Variants in ZNF483 observed in about 807,000 individuals in gnomAD.
ZNF483 encodes zinc finger protein 483.
A neutral mutation model predicts 28.6 loss-of-function variants in ZNF483; 9 were observed. The ratio of observed to expected loss-of-function variants is 0.32; its 90% confidence interval spans 0.19 to 0.55. ZNF483 has a LOEUF of 0.55. ZNF483 is among the 20% of genes least tolerant of loss of function. The probability of loss-of-function intolerance (pLI) is 0.93; values close to 1 mark genes in which losing one functional copy is unlikely to be tolerated. For missense variants in ZNF483, 675 were observed against 871.7 expected, an observed-to-expected ratio of 0.77 and a Z score of 2.84; for synonymous variants, 322 against 306.2, an observed-to-expected ratio of 1.05 and a Z score of -0.54.
At chr9:111,530,542 G>A (rs1198178805) in intron 2 of ZNF483, among the ~76,000 whole-genome samples, 1 of 151,508 alleles carries the variant, frequency 6.6e-6, no homozygotes, top group African/African-American at 2.4e-5. Context: ...CTTGGACTGA[G>A]GCCTTAACCT....
chr9:111,564,813 T>C (rs1470989816), intron 5 of ZNF483, among the ~76,000 whole-genome samples: 2 of 151,898 alleles, frequency 1.3e-5, no homozygotes, highest in East Asian at 3.9e-4. Flanking sequence ...TATTTGGAGA[T>C]AGGGCTTTTT....
chr9:111,530,498 G>A (rs866615511), intron 2 of ZNF483, among the ~76,000 whole-genome samples: 6 of 151,816 alleles, frequency 4.0e-5, no homozygotes, highest in African/African-American at 1.2e-4. Context: ...CTGGAGGGTC[G>A]GACATGAGAC....
At chr9:111,559,331 G>C (rs540278693), downstream of ZNF483, among the ~76,000 whole-genome samples, 1 of 152,142 alleles carries the variant, frequency 6.6e-6, no homozygotes, top group South Asian at 2.1e-4. Context: ...ATACTGTGTG[G>C]ACTTTGACTC....
chr9:111,527,028 C>T (rs930829296), intron 1 of ZNF483, among the ~76,000 whole-genome samples: 2 of 151,736 alleles, frequency 1.3e-5, no homozygotes, highest in African/African-American at 2.4e-5. Flanking sequence ...TGAACCCAGC[C>T]GGGGCAGAGG....
exon 6 of ZNF483, chr9:111,576,465 A>G: frequency 6.2e-7 from 1 of 1,612,798 alleles, no homozygotes; most frequent in Non-Finnish European, 8.5e-7. Context: ...TGACCAGAGG[A>G]TGGGGCCACT....
chr9:111,533,906 G>C (rs202033857), intron 4 of ZNF483, 41 bp downstream of exon 4: 8 of 1,574,102 alleles, frequency 5.1e-6, no homozygotes, highest in Non-Finnish European at 6.8e-6. Flanking sequence ...TTTAACCTTG[G>C]GTCTCTTTTT....
chr9:111,564,298 A>T (rs2132320857), intron 5 of ZNF483: 1 of 620,278 alleles, frequency 1.6e-6, no homozygotes, highest in South Asian at 4.9e-5. Flanking sequence ...TATTATTATT[A>T]TTATTATTAT....
intron 5 of ZNF483, among the ~76,000 whole-genome samples, chr9:111,572,779 A>AAT: frequency 6.7e-6 from 1 of 150,134 alleles, no homozygotes; most frequent in Non-Finnish European, 1.5e-5. Flanking sequence ...AAAAAAAAAA[A>AAT]ATTAAAAAAT....
chr9:111,573,277 T>C (rs1055362402), intron 5 of ZNF483, among the ~76,000 whole-genome samples: 1 of 151,316 alleles, frequency 6.6e-6, no homozygotes, highest in Non-Finnish European at 1.5e-5. Flanking sequence ...TAGAAAATTA[T>C]AGGGGGAAAA....
At chr9:111,533,922 C>A in intron 4 of ZNF483, 57 bp downstream of exon 4, 1 of 1,567,028 alleles carries the variant, frequency 6.4e-7, no homozygotes, top group Non-Finnish European at 8.6e-7. Flanking sequence ...TTTTTGTTCC[C>A]TTTTATTGAA....
chr9:111,559,254 G>A (rs576556691), downstream of ZNF483, among the ~76,000 whole-genome samples: 23 of 152,054 alleles, frequency 1.5e-4, no homozygotes, highest in South Asian at 4.2e-3. Flanking sequence ...ACCCCTTCAC[G>A]TGCACACCTT....
At chr9:111,540,148 ATTTT>A (rs1564596277) in intron 5 of ZNF483, among the ~76,000 whole-genome samples, 1 of 152,188 alleles carries the variant, frequency 6.6e-6, no homozygotes, top group East Asian at 1.9e-4. Context: ...ATTTTAAAAA[ATTTT>A]TTAAAAAGAA....
At chr9:111,566,530 T>C (rs143685005) in intron 5 of ZNF483, among the ~76,000 whole-genome samples, 2 of 152,328 alleles carry the variant, frequency 1.3e-5, no homozygotes, top group Non-Finnish European at 2.9e-5. Context: ...ACTAAAATAA[T>C]GCAACTTGAT....
intron 5 of ZNF483, chr9:111,539,432 ACT>A (rs769174100): frequency 5.9e-5 from 27 of 455,674 alleles, no homozygotes; most frequent in Non-Finnish European, 9.7e-5. Flanking sequence ...TGCTTTTATG[ACT>A]CTGTTTTTTA....
At chr9:111,562,767 G>A (rs981174415) in intron 5 of ZNF483, 2 of 219,750 alleles carry the variant, frequency 9.1e-6, no homozygotes, top group East Asian at 1.2e-4. Flanking sequence ...GGCTTCCACA[G>A]GCCCCAGCGT....
At chr9:111,571,326 C>T (rs1295611565) in intron 5 of ZNF483, among the ~76,000 whole-genome samples, 4 of 149,542 alleles carry the variant, frequency 2.7e-5, no homozygotes, top group East Asian at 2.1e-4. Flanking sequence ...GCAGGAGAAT[C>T]GCTTGAAGTC....
chr9:111,534,395 T>C, intron 5 of ZNF483, 42 bp downstream of exon 5: 1 of 1,528,386 alleles, frequency 6.5e-7, no homozygotes, highest in Non-Finnish European at 9.1e-7. Context: ...AAGCAGTTGT[T>C]TAGCAAGTCT....
Position 111,553,539 on chromosome 9 carries a change from G to A in ZNF483, c.*10369G>A, listed in dbSNP as rs1828033923. The stretch of plus-strand genomic sequence containing the variant: ...GTAAACACATTGTGATTTTACATCC[G>A]TGCATAGAAAAAAAAATCATCTGAA... On this transcript the variant is annotated 3_prime_UTR_variant, in exon 6 of 6. Coordinates refer to ENST00000309235, the MANE Select transcript of ZNF483 (RefSeq NM_133464.5). Among the ~76,000 whole-genome samples, 1 of 151,844 alleles carries A rather than the reference G, an allele frequency of 6.6e-6. No individual in the cohort carries two copies. Among genetic ancestry groups the A allele is most frequent in the African/African-American group, 2.4e-5 (1 of 41,334 alleles).
Position 111,543,048 on chromosome 9 carries a change from A to G in ZNF483, c.2113A>G (p.Ile705Val), listed in dbSNP as rs368753285. ...TGGTGCAACCTTTAGTCGAAGCTCA[A>G]TCCTTGTAGAACACCTAAAAATTCA... is the stretch of plus-strand genomic sequence containing the variant. ...YCGATFSRSS[I>V]LVEHLKIHTG... The change falls in exon 6 of 6, where the codon ATC becomes GTC. Residue 705 changes from isoleucine (I) to valine (V), a missense_variant. Coordinates refer to ENST00000309235, the MANE Select transcript of ZNF483 (RefSeq NM_133464.5). 7 of 1,614,070 alleles carry G rather than the reference A, an allele frequency of 4.3e-6. No homozygotes were observed. The African/African-American group carries it at 6.7e-5, about 15-fold the overall frequency.
Sources: gnomAD v4.1 joint callset for allele counts (sites outside exome capture counted in the v4.1 genomes callset) on GRCh38, gnomAD v4.1.1 for gene constraint, MANE v1.5 for transcripts, NCBI Gene and HGNC (gene_info 2026-07-23, HGNC 2026-07-21) for gene names.